SAG: variants seen among roughly 807,000 people sequenced by gnomAD.
SAG encodes the protein S-antigen visual arrestin, also known as S-arrestin.
Under a neutral mutation model 55.0 loss-of-function variants are expected in SAG, and 45 were observed. The observed-to-expected ratio is 0.82, with a 90% CI of 0.64 to 1.05. The LOEUF is 1.05. Among genes scored for constraint, SAG ranks in the 50% least tolerant of loss-of-function variants. The pLI, the probability that SAG is intolerant of heterozygous loss-of-function variation, is 0.00. For synonymous variants in SAG, 189 were observed against 197.4 expected, an observed-to-expected ratio of 0.96 and a Z score of 0.36; for missense variants, 455 against 512.1, an observed-to-expected ratio of 0.89 and a Z score of 1.08.
In SAG at chr2:233,336,145, G is replaced by A. The variant is rs574759271; in HGVS notation, c.944+1046G>A. Among the ~76,000 whole-genome samples, 19 of 152,322 alleles carry A rather than the reference G, an allele frequency of 1.2e-4. No homozygotes were observed. The South Asian group carries it at 3.5e-3, about 28-fold the overall frequency. ...AGCCTAGATCAATGTATTCAAGGGC[G>A]TAGGGATCGTAAGATGAACAATGAT... is the stretch of plus-strand genomic sequence containing the variant. On this transcript the variant is annotated intron_variant, in intron 11 of 15. Transcript: ENST00000409110.
At chr2:233,328,320 C>T in intron 7 of SAG, 158 bp from the exon 8 acceptor site, 2 of 800,770 alleles carry the variant, frequency 2.5e-6, no homozygotes, top group Middle Eastern at 6.9e-4. Flanking sequence ...TCAGGGCTGC[C>T]TCAGGCTCTG....
At chr2:233,316,923 G>A (rs1275477687) in intron 3 of SAG, among the ~76,000 whole-genome samples, 2 of 151,792 alleles carry the variant, frequency 1.3e-5, no homozygotes, top group South Asian at 2.1e-4. Context: ...ATGTAGTGGC[G>A]AGATCTTGGC....
At chr2:233,324,409 C>T (rs1019869258) in intron 6 of SAG, among the ~76,000 whole-genome samples, 18 of 151,992 alleles carry the variant, frequency 1.2e-4, no homozygotes, top group Admixed American at 9.8e-4. Flanking sequence ...AAACAAACAA[C>T]AAACAAAAAA....
chr2:233,327,467 GT>G (rs1700600593), intron 7 of SAG: 7 of 297,744 alleles, frequency 2.4e-5, no homozygotes, highest in South Asian at 6.6e-5. Context: ...TGTTGTTGTT[GT>G]TTGTTTGTTT....
At chr2:233,333,295 A>T (rs1262039853) in intron 10 of SAG, 2 of 152,126 alleles carry the variant, frequency 1.3e-5, no homozygotes, top group Non-Finnish European at 2.9e-5. Context: ...GCCCTGGTTC[A>T]CCTTTCCTCA....
intron 9 of SAG, 145 bp downstream of exon 9, chr2:233,329,722 T>C: frequency 1.6e-6 from 1 of 627,620 alleles, no homozygotes; most frequent in Non-Finnish European, 2.8e-6. Flanking sequence ...GCAGCAGGAC[T>C]GCGGAGGGAG....
chr2:233,324,783 G>T (rs1700495692), intron 6 of SAG, among the ~76,000 whole-genome samples: 1 of 152,184 alleles, frequency 6.6e-6, no homozygotes, highest in Non-Finnish European at 1.5e-5. Flanking sequence ...CAGAGAGGCA[G>T]TTTCTGTAAC....
At chr2:233,316,973 G>A (rs1355053286) in intron 3 of SAG, among the ~76,000 whole-genome samples, 7 of 152,022 alleles carry the variant, frequency 4.6e-5, no homozygotes, top group South Asian at 2.1e-4. Flanking sequence ...GCGATCCTCC[G>A]ACCTCAGCCT....
intron 12 of SAG, 192 bp downstream of exon 12, chr2:233,338,945 G>C: frequency 1.5e-6 from 1 of 688,090 alleles, no homozygotes; most frequent in South Asian, 1.5e-5. Flanking sequence ...ATGTCAGGTG[G>C]GAAAGGGTGG....
In SAG at chr2:233,340,915, G is replaced by A. The variant is rs140975265; in HGVS notation, c.1046+437G>A. ...CGTGACCTCCACTTCCTGGGTTCAG[G>A]CAATCCTCCCGCCTCAGCCTCCTGA... On this transcript the variant is annotated intron_variant, in intron 13 of 15. Transcript: ENST00000409110. The surrounding 1 kb of genome is among the most constrained non-coding windows in gnomAD (Gnocchi z 4.2). 2.0e-5 allele frequency among the ~76,000 whole-genome samples: 3 copies of A among 152,202 alleles called. No homozygotes were observed. Among genetic ancestry groups the A allele is most frequent in the African/African-American group, 7.2e-5 (3 of 41,528 alleles).
chr2:233,341,944 C>A (rs1300846768), intron 13 of SAG, among the ~76,000 whole-genome samples: 1 of 152,050 alleles, frequency 6.6e-6, no homozygotes, highest in Admixed American at 6.6e-5. Context: ...CATGGTGAAA[C>A]CCCATCTCTA....
At chr2:233,324,395 T>C (rs1348012940) in intron 6 of SAG, among the ~76,000 whole-genome samples, 4 of 152,090 alleles carry the variant, frequency 2.6e-5, no homozygotes, top group Non-Finnish European at 5.9e-5. Context: ...AGACCCTGTC[T>C]CAAAAACAAA....
At chr2:233,334,870 G>A (rs1700872027) in intron 10 of SAG, 92 bp from the exon 11 acceptor site, 4 of 1,492,348 alleles carry the variant, frequency 2.7e-6, no homozygotes, top group Non-Finnish European at 3.7e-6. Context: ...CAGGGGATGT[G>A]GATCCTGGAA....
chr2:233,320,751 G>A lies in SAG; in HGVS notation c.303G>A (p.Ala101=), dbSNP rs1018884865. Residue 101 remains alanine, a synonymous_variant, in exon 5 of 16, where the codon GCG becomes GCA. Coordinates refer to ENST00000409110, the MANE Select transcript of SAG (RefSeq NM_000541.5). ...AGGTGTATCCTCCTGTGGGGGCCGCGAGCACCCCCACAAAACTGCAAGAGA... is the reference window on the plus strand; with the variant it reads ...AGGTGTATCCTCCTGTGGGGGCCGCAAGCACCCCCACAAAACTGCAAGAGA... ...RVQVYPPVGA[A]STPTKLQESL... 9.3e-6 allele frequency: 15 copies of A among 1,606,166 alleles called. No homozygotes were observed. The African/African-American group carries it at 1.1e-4, about 11-fold the overall frequency.
At chr2:233,308,271 G>A (rs1978921) in intron 1 of SAG, among the ~76,000 whole-genome samples, 9,813 of 152,142 alleles carry the variant, frequency 0.064, 351 homozygotes, top group Admixed American at 0.079. Context: ...ACCAACTTGA[G>A]CAATACAGTC....
intron 9 of SAG, among the ~76,000 whole-genome samples, chr2:233,330,475 CCCTTCCTTCCTT>C (rs775846940): frequency 0.066 from 3,029 of 46,090 alleles, 67 homozygotes; most frequent in Middle Eastern, 0.15. Flanking sequence ...TTCCCTCCCT[CCCTTCCTTCCTT>C]CCTTCCTTCC....
intron 6 of SAG, among the ~76,000 whole-genome samples, chr2:233,325,391 G>GGATT (rs1700520452): frequency 6.6e-6 from 1 of 151,692 alleles, no homozygotes. Flanking sequence ...AAAATGGAAT[G>GGATT]GATTGGAAAA....
In SAG at chr2:233,316,258, C is replaced by T. The variant is rs1326390563; in HGVS notation, c.136+123C>T. 7 of 559,958 alleles carry T rather than the reference C, an allele frequency of 1.3e-5. No individual in the cohort carries two copies. In the East Asian group the frequency reaches 2.4e-4, roughly 19 times the overall value. The allele number at this position is 559,958 out of a possible 1,614,324, so 34.7% of individuals were successfully genotyped here. On this transcript the variant is annotated intron_variant, in intron 3 of 15. Transcript: ENST00000409110. The stretch of plus-strand genomic sequence containing the variant: ...AATAAAGACATGCAAATTAAAACAT[C>T]AGTGAGGCGCCACTGGCTGATTGGA...
At chr2:233,314,912 C>T (rs1700176603) in intron 2 of SAG, among the ~76,000 whole-genome samples, 1 of 152,196 alleles carries the variant, frequency 6.6e-6, no homozygotes, top group Non-Finnish European at 1.5e-5. Context: ...GCCAAGGGGG[C>T]CACACTCAAT....
Sources: gnomAD v4.1 joint callset for allele counts (sites outside exome capture counted in the v4.1 genomes callset) on GRCh38, gnomAD v4.1.1 for gene constraint, Gnocchi (gnomAD v3.1) non-coding constraint, MANE v1.5 for transcripts, NCBI Gene and HGNC (gene_info 2026-07-23, HGNC 2026-07-21) for gene names.